Variants in PI4KA observed in about 807,000 individuals in gnomAD.
PI4KA encodes the protein PI4-kinase alpha.
PI4KA carries 122 observed loss-of-function variants against 271.4 expected under a neutral mutation model. The observed-to-expected ratio is 0.45, with a 90% CI of 0.39 to 0.52. The LOEUF is 0.52. Among genes scored for constraint, PI4KA ranks in the 20% least tolerant of loss-of-function variants. PI4KA has a pLI of 0.00. For missense variants in PI4KA, 1,969 were observed against 2,769.1 expected (o/e 0.71, Z 6.48); for synonymous variants, 1,041 against 1,078.8 (o/e 0.96, Z 0.69).
At chr22:20,753,347 G>A (rs1466321507) in intron 23 of PI4KA, among the ~76,000 whole-genome samples, 167 bp from the exon 24 acceptor site, 2 of 152,184 alleles carry the variant, frequency 1.3e-5, no homozygotes, top group East Asian at 1.9e-4. Context: ...AACATCTGCA[G>A]TAACCAGGCT....
chr22:20,740,472 AAAAGAAATGAC>A (rs933360763), intron 32 of PI4KA, among the ~76,000 whole-genome samples: 3 of 151,964 alleles, frequency 2.0e-5, no homozygotes, highest in Non-Finnish European at 4.4e-5. Flanking sequence ...AAAAAAAAGA[AAAAGAAATGAC>A]AAAGAAATAC....
chr22:20,786,092 T>C (rs1256548311), intron 19 of PI4KA: 1 of 1,614,080 alleles, frequency 6.2e-7, no homozygotes. Context: ...CAGGATGCTG[T>C]TTGACAAAAA....
In PI4KA at chr22:20,851,194, T is replaced by TA. The variant is rs1162501463; in HGVS notation, c.156+7375_156+7376insT. Among the ~76,000 whole-genome samples the TA allele has an allele frequency of 5.9e-3, 887 of 150,284 alleles. 5 individuals are homozygous for TA. The highest frequency in any genetic ancestry group is 0.02 in the African/African-American group (817 of 41,132). ...GGGCAACACAGTGAGACCCTATCTA[T>TA]TTTTTTTTTAATGTCTATTTATCCA... On this transcript the variant is annotated intron_variant, in intron 1 of 54. Coordinates refer to ENST00000255882, the MANE Select transcript of PI4KA (RefSeq NM_058004.4).
intron 2 of PI4KA, among the ~76,000 whole-genome samples, chr22:20,835,421 G>A (rs1924726564): frequency 6.6e-6 from 1 of 152,164 alleles, no homozygotes; most frequent in South Asian, 2.1e-4. Flanking sequence ...CCACATGGTA[G>A]TTTTAAAAAC....
rs1246915756 is a variant in PI4KA, at chr22:20,838,608, G to A, written c.273+7C>T. 6.6e-7 allele frequency: 1 copy of A among 1,521,902 alleles called. No homozygotes were observed. Among genetic ancestry groups the A allele is most frequent in the Non-Finnish European group, 9.1e-7 (1 of 1,096,838 alleles). The allele number at this position is 1,521,902 out of a possible 1,614,324, so 94.3% of individuals were successfully genotyped here. On this transcript the variant is annotated splice_region_variant and intron_variant, in intron 2 of 54. Transcript: ENST00000255882. ...ATGAAGAAACTTTTAATTTCATGAA[G>A]ACTTACCTGAAGATCAGATTCAATC...
rs201842244 is a variant in PI4KA, at chr22:20,753,086, C to T, written c.2862+24G>A. ...CCCAGATGCCTCCAGCAGACAGACA[C>T]GCATTCATGCTGGAGAGGCTTACTT... On this transcript the variant is annotated intron_variant, in intron 24 of 54. Transcript: ENST00000255882. The T allele has an allele frequency of 1.8e-4, 295 of 1,614,118 alleles. 2 individuals are homozygous for T. The highest frequency in any genetic ancestry group is 3.8e-4 in the Admixed American group (23 of 60,014).
intron 1 of PI4KA, among the ~76,000 whole-genome samples, chr22:20,849,733 A>G (rs915350475): frequency 2.0e-5 from 3 of 152,128 alleles, no homozygotes; most frequent in Non-Finnish European, 4.4e-5. Flanking sequence ...GGGCGCCTGT[A>G]GTCCCAGCTA....
Position 20,803,303 on chromosome 22 carries a change from G to A in PI4KA, c.1479C>T (p.Cys493=), listed in dbSNP as rs780498331. ...AGTGCACCACCACCGGGAACCTCTC[G>A]CACAGGCGGCCCAAACCCTGCAACA... ...ICCLQGLGRL[C]ERFPVVVHSV... The change falls in exon 13 of 55, where the codon TGC becomes TGT. Residue 493 remains cysteine, a synonymous_variant. Coordinates refer to ENST00000255882, the MANE Select transcript of PI4KA (RefSeq NM_058004.4). The A allele has an allele frequency of 8.7e-5, 140 of 1,613,908 alleles. No individual in the cohort carries two copies. The East Asian group carries it at 1.1e-3, about 12-fold the overall frequency.
intron 28 of PI4KA, among the ~76,000 whole-genome samples, chr22:20,747,948 G>A (rs1601398460): frequency 2.0e-5 from 3 of 152,238 alleles, no homozygotes; most frequent in East Asian, 1.9e-4. Context: ...TATTGCTCAG[G>A]TTGGCTTGAA....
At chr22:20,770,785 A>T (rs2147429622) in intron 19 of PI4KA, among the ~76,000 whole-genome samples, 1 of 152,220 alleles carries the variant, frequency 6.6e-6, no homozygotes, top group Admixed American at 6.5e-5. Context: ...AAAGTTTTCC[A>T]AACTTTAGTG....
intron 27 of PI4KA, 53 bp from the exon 28 acceptor site, chr22:20,750,047 T>TCG: frequency 8.5e-7 from 1 of 1,177,866 alleles, no homozygotes; most frequent in Non-Finnish European, 1.3e-6. Flanking sequence ...TCATCTGAGC[T>TCG]GCCGTAGTGA....
chr22:20,752,896 A>G lies in PI4KA; in HGVS notation c.2987+7T>C. 6.2e-7 allele frequency: 1 copy of G among 1,613,660 alleles called. No homozygotes were observed. Among genetic ancestry groups the G allele is most frequent in the Non-Finnish European group, 8.5e-7 (1 of 1,179,552 alleles). ...CACACAAAACATTAGCAGGAAAATG[A>G]GCTTACTTATCCACCAGACCAGATA... On this transcript the variant is annotated splice_region_variant and intron_variant, in intron 25 of 54. Coordinates refer to ENST00000255882, the MANE Select transcript of PI4KA (RefSeq NM_058004.4).
chr22:20,720,174 T>C (rs141066407), intron 43 of PI4KA, among the ~76,000 whole-genome samples: 17 of 152,244 alleles, frequency 1.1e-4, no homozygotes, highest in Admixed American at 4.6e-4. Context: ...TGCCCACCGT[T>C]TGATGTTATA....
At chr22:20,819,573 G>A in intron 6 of PI4KA, 68 bp downstream of exon 6, 2 of 1,413,328 alleles carry the variant, frequency 1.4e-6, no homozygotes, top group East Asian at 2.3e-5. Flanking sequence ...AAAGAAGAGG[G>A]ATTTTCTTCG....
rs139243317 is a variant in PI4KA at position 20,727,808 on chromosome 22, G to A, written c.4739C>T (p.Pro1580Leu). ...NEVTRLVRLD[P>L]GAVSDVPEAI... Reference sequence around the variant, plus strand: ...TTCAGGCACATCACTAACGGCTCCCGGGTCCAACCGAACGAGACGGGTCAC... The same window carrying A: ...TTCAGGCACATCACTAACGGCTCCCAGGTCCAACCGAACGAGACGGGTCAC... Residue 1580 changes from proline to leucine, a missense_variant, in exon 40 of 55, where the codon CCG (proline) becomes CTG (leucine). Transcript: ENST00000255882. 3.7e-6 allele frequency: 6 copies of A among 1,614,054 alleles called. No individual in the cohort carries two copies. Among genetic ancestry groups the A allele is most frequent in the South Asian group, 3.3e-5 (3 of 91,068 alleles).
At chr22:20,779,702 C>T (rs144089172) in intron 19 of PI4KA, 61 of 1,614,232 alleles carry the variant, frequency 3.8e-5, no homozygotes, top group African/African-American at 2.1e-4. Flanking sequence ...ACATCCTCAA[C>T]GCCAAGTTCG....
chr22:20,732,402 G>A (rs1034141505), intron 36 of PI4KA, among the ~76,000 whole-genome samples: 7 of 152,068 alleles, frequency 4.6e-5, no homozygotes, highest in Non-Finnish European at 8.8e-5. Context: ...GCTTCTTTGC[G>A]TGGCATGTTT....
intron 32 of PI4KA, among the ~76,000 whole-genome samples, chr22:20,741,168 T>A (rs1929393620): frequency 1.3e-5 from 2 of 152,224 alleles, no homozygotes; most frequent in Non-Finnish European, 2.9e-5. Flanking sequence ...GGTGTCATAA[T>A]GGCAGTGGGT....
At chr22:20,751,877 C>T (rs1930741190) in intron 25 of PI4KA, 122 bp from the exon 26 acceptor site, 4 of 796,164 alleles carry the variant, frequency 5.0e-6, no homozygotes, top group Non-Finnish European at 8.4e-6. Flanking sequence ...AGGAGGAGGT[C>T]GGGAGGCCCT....
Sources: allele counts gnomAD v4.1 joint callset (sites outside exome capture counted in the v4.1 genomes callset), GRCh38; gene constraint gnomAD v4.1.1; transcripts MANE v1.5; gene names NCBI Gene and HGNC (gene_info 2026-07-23, HGNC 2026-07-21).